Variants in KCNQ5 observed in about 807,000 individuals in gnomAD.
KCNQ5 encodes potassium voltage-gated channel subfamily Q member 5.
A neutral mutation model predicts 98.2 loss-of-function variants in KCNQ5; 30 were observed. The observed-to-expected ratio is 0.31, with a 90% CI of 0.23 to 0.41. The LOEUF is 0.41. Ranked by LOEUF, KCNQ5 falls within the 10% of genes least tolerant of loss-of-function variation. KCNQ5 has a pLI of 1.00. For missense variants in KCNQ5, 835 were observed against 1,182.5 expected, an observed-to-expected ratio of 0.71 and a Z score of 4.31; for synonymous variants, 458 against 449.4, an observed-to-expected ratio of 1.02 and a Z score of -0.24.
At chr6:72,647,645 C>T (rs1237911804) in intron 1 of KCNQ5, among the ~76,000 whole-genome samples, 2 of 152,108 alleles carry the variant, frequency 1.3e-5, no homozygotes, top group African/African-American at 2.4e-5. Context: ...ATGCCCCTGA[C>T]CTCCAGGACC....
At chr6:72,722,084 C>T (rs1354083554) in intron 1 of KCNQ5, among the ~76,000 whole-genome samples, 1 of 152,032 alleles carries the variant, frequency 6.6e-6, no homozygotes, top group Admixed American at 6.6e-5. Flanking sequence ...TGGAGTGATA[C>T]AAGGAAGGGA....
intron 1 of KCNQ5, among the ~76,000 whole-genome samples, chr6:72,946,729 T>A (rs1766564264): frequency 6.6e-6 from 1 of 152,236 alleles, no homozygotes; most frequent in Non-Finnish European, 1.5e-5. Context: ...ATGGATTTGT[T>A]TAATGGTAAA....
chr6:72,890,403 G>A (rs1213043852), intron 1 of KCNQ5, among the ~76,000 whole-genome samples: 1 of 150,176 alleles, frequency 6.7e-6, no homozygotes, highest in African/African-American at 2.4e-5. Context: ...TACTCATCTG[G>A]TATGACTGAA....
chr6:72,848,243 T>A (rs539854700), intron 1 of KCNQ5, among the ~76,000 whole-genome samples: 43 of 152,100 alleles, frequency 2.8e-4, no homozygotes, highest in African/African-American at 1.0e-3. Flanking sequence ...AACATGCAGG[T>A]TTGTTACATA....
chr6:73,149,806 AAG>A (rs202152420), intron 10 of KCNQ5, among the ~76,000 whole-genome samples: 61 of 144,176 alleles, frequency 4.2e-4, no homozygotes, highest in South Asian at 1.9e-3. Context: ...AAAAAAAAAA[AAG>A]AGAGAGAGAG....
chr6:73,124,643 C>T, intron 9 of KCNQ5, 131 bp downstream of exon 9: 1 of 829,138 alleles, frequency 1.2e-6, no homozygotes. Context: ...CACAAGATTG[C>T]CTGCAAAGAT....
intron 1 of KCNQ5, among the ~76,000 whole-genome samples, chr6:72,776,144 T>A (rs6906378): frequency 0.6 from 90,568 of 151,900 alleles, 27,013 homozygotes; most frequent in Admixed American, 0.63. Flanking sequence ...AAAAGTGTAT[T>A]TAAAATAATA....
At chr6:73,063,821 G>A (rs534873465) in intron 3 of KCNQ5, among the ~76,000 whole-genome samples, 3 of 152,072 alleles carry the variant, frequency 2.0e-5, no homozygotes, top group East Asian at 3.9e-4. Flanking sequence ...TGAATGTCAG[G>A]TATTTATTCT....
At chr6:72,728,116 G>C (rs898582257) in intron 1 of KCNQ5, among the ~76,000 whole-genome samples, 1 of 152,118 alleles carries the variant, frequency 6.6e-6, no homozygotes, top group African/African-American at 2.4e-5. Flanking sequence ...TTTGATTCCA[G>C]TGGTAGGTTA....
intron 1 of KCNQ5, among the ~76,000 whole-genome samples, chr6:72,768,918 A>G (rs1016319994): frequency 5.9e-5 from 9 of 152,202 alleles, no homozygotes; most frequent in African/African-American, 1.4e-4. Context: ...CCACTTCACA[A>G]TTGGAGCTAT....
At chr6:73,172,785 C>T (rs1449848884) in intron 11 of KCNQ5, among the ~76,000 whole-genome samples, 4 of 152,028 alleles carry the variant, frequency 2.6e-5, no homozygotes, top group Admixed American at 1.3e-4. Context: ...ATATTTAATA[C>T]GAATATTTAA....
At chr6:73,124,936 GATAT>G (rs1180218889) in intron 9 of KCNQ5, among the ~76,000 whole-genome samples, 19 of 76,284 alleles carry the variant, frequency 2.5e-4, no homozygotes, top group East Asian at 7.4e-4. Flanking sequence ...CTTTTGGAGT[GATAT>G]ATATATATAT....
intron 1 of KCNQ5, among the ~76,000 whole-genome samples, chr6:72,786,615 G>A (rs1386612156): frequency 6.6e-6 from 1 of 151,976 alleles, no homozygotes; most frequent in Non-Finnish European, 1.5e-5. Flanking sequence ...TCAGCCACAC[G>A]GGTTTAGAAA....
At chr6:72,699,258 A>T (rs368547929) in intron 1 of KCNQ5, among the ~76,000 whole-genome samples, 1 of 152,184 alleles carries the variant, frequency 6.6e-6, no homozygotes, top group Non-Finnish European at 1.5e-5. Context: ...AAGGGAAGTG[A>T]AAATATTTTT....
chr6:72,660,377 C>T (rs1007750020), intron 1 of KCNQ5, among the ~76,000 whole-genome samples: 9 of 152,286 alleles, frequency 5.9e-5, no homozygotes, highest in South Asian at 2.1e-4. Flanking sequence ...CTAAGCTCAA[C>T]GTTCTCTCCT....
At chr6:73,026,196 G>C (rs190662717) in intron 2 of KCNQ5, among the ~76,000 whole-genome samples, 3 of 152,226 alleles carry the variant, frequency 2.0e-5, no homozygotes, top group African/African-American at 4.8e-5. Context: ...TTCTGCCCAA[G>C]GCCTTTGTCC....
chr6:72,826,008 T>A (rs1359313475), intron 1 of KCNQ5, among the ~76,000 whole-genome samples: 3 of 152,102 alleles, frequency 2.0e-5, no homozygotes, highest in African/African-American at 7.2e-5. Flanking sequence ...CTGCAAGCAA[T>A]CACACTTCTC....
intron 1 of KCNQ5, among the ~76,000 whole-genome samples, chr6:72,823,235 G>A (rs1775834994): frequency 6.6e-6 from 1 of 151,954 alleles, no homozygotes; most frequent in Non-Finnish European, 1.5e-5. Flanking sequence ...AGACAAGAAA[G>A]TTGTTTTTTA....
At chr6:73,029,810 C>T (rs1435518420) in intron 2 of KCNQ5, among the ~76,000 whole-genome samples, 2 of 145,872 alleles carry the variant, frequency 1.4e-5, no homozygotes, top group Non-Finnish European at 1.5e-5. Flanking sequence ...ACTCAGGAGG[C>T]TGAGGCAGGA....
Sources: allele counts gnomAD v4.1 joint callset (sites outside exome capture counted in the v4.1 genomes callset), GRCh38; gene constraint gnomAD v4.1.1; transcripts MANE v1.5; gene names NCBI Gene and HGNC (gene_info 2026-07-23, HGNC 2026-07-21).